The following TMEM260 variants were observed in gnomAD, a reference collection of about 807,000 sequenced individuals.
TMEM260 encodes the protein protein O-mannosyl-transferase TMEM260.
A neutral mutation model predicts 88.9 loss-of-function variants in TMEM260; 82 were observed. The ratio of observed to expected loss-of-function variants is 0.92; its 90% CI spans 0.77 to 1.11. TMEM260 has a LOEUF of 1.11. Among genes scored for constraint, TMEM260 ranks in the 50% least tolerant of loss-of-function variants. The probability of loss-of-function intolerance (pLI) is 0.00; values close to 1 mark genes in which losing one functional copy is unlikely to be tolerated. For missense variants in TMEM260, 902 were observed against 853.4 expected (o/e 1.06, Z -0.71); for synonymous variants, 314 against 309.3 (o/e 1.02, Z -0.16).
chr14:56,632,672 A>C (rs980100595), intron 12 of TMEM260, among the ~76,000 whole-genome samples: 10 of 151,040 alleles, frequency 6.6e-5, no homozygotes, highest in Admixed American at 5.9e-4. Context: ...CTGGTCTCAA[A>C]CCCCTGGCCT....
rs150124672 is a variant in TMEM260 at position 56,638,948 on chromosome 14, C to G, written c.1869+2350C>G. ...ACATAACGAAGAATGATGGGCTTCT[C>G]AAGATATGGTACATGTGACTTAATA... On this transcript the variant is annotated intron_variant, in intron 15 of 15. Transcript: ENST00000261556. Among the ~76,000 whole-genome samples, 1,429 of 152,122 alleles carry G rather than the reference C, an allele frequency of 9.4e-3. 11 individuals are homozygous for G. Among genetic ancestry groups the G allele is most frequent in the Non-Finnish European group, 0.013 (895 of 67,996 alleles).
intron 3 of TMEM260, among the ~76,000 whole-genome samples, chr14:56,598,576 A>G (rs1413328580): frequency 2.0e-5 from 3 of 152,238 alleles, no homozygotes; most frequent in Non-Finnish European, 4.4e-5. Context: ...GAAATGAAGC[A>G]TGCTCAGATA....
rs1239323808 is a variant in TMEM260, at chr14:56,605,682, A to AGGTACGTTT, written c.636_636+8dup. ...ATTCTCTTTCAACTTTTAAAAAAGA[A>AGGTACGTTT]GGTACGTTTTTGAATTTTGTAAAAA... On this transcript the variant is annotated inframe_insertion and splice_region_variant, in exon 5 of 16. Transcript: ENST00000261556. 1 of 1,536,256 alleles carries AGGTACGTTT rather than the reference A, an allele frequency of 6.5e-7. No individual in the cohort carries two copies. Among genetic ancestry groups the AGGTACGTTT allele is most frequent in the African/African-American group, 1.4e-5 (1 of 71,350 alleles).
At chr14:56,622,104 G>A (rs1887960312) in intron 11 of TMEM260, among the ~76,000 whole-genome samples, 1 of 152,118 alleles carries the variant, frequency 6.6e-6, no homozygotes, top group Non-Finnish European at 1.5e-5. Context: ...AGCACTTTGG[G>A]AGGCTGAGGC....
Position 56,647,452 on chromosome 14 carries a change from C to G in TMEM260, c.2079C>G (p.His693Gln), listed in dbSNP as rs772586414. ...CTGATATTTTAGGTGCTCTAAAGCA[C>G]CTAAGAAAAGAACTGCAAAGTCTGA... Reference protein sequence around the residue: ...QQADILGALKHLRKELQSLRN... With the variant: ...QQADILGALKQLRKELQSLRN... Residue 693 changes from histidine to glutamine, a missense_variant, in exon 16 of 16, where the codon CAC (histidine) becomes CAG (glutamine). Coordinates refer to ENST00000261556, the MANE Select transcript of TMEM260 (RefSeq NM_017799.4). 6.2e-7 allele frequency: 1 copy of G among 1,612,192 alleles called. No individual in the cohort carries two copies. Among genetic ancestry groups the G allele is most frequent in the Non-Finnish European group, 8.5e-7 (1 of 1,179,576 alleles).
At position 56,621,662 on chromosome 14, in the gene TMEM260, G is replaced by A. The variant is rs1395987610; in HGVS notation, c.1358G>A (p.Cys453Tyr). Residue 453 changes from cysteine (C) to tyrosine (Y), a missense_variant, in exon 11 of 16, where the codon TGT becomes TAT. Physicochemically the swap from Cys to Tyr is radical, Grantham distance 194 (BLOSUM62 -2). Transcript: ENST00000261556. ...PGNSLRYMHY[C>Y]EGLRPDISLV... ...AATTCTCTCCGTTACATGCATTACT[G>A]TGAGGGGTTGAGGCCTGACATTTCA... is the stretch of plus-strand genomic sequence containing the variant. 6 of 1,612,712 alleles carry A rather than the reference G, an allele frequency of 3.7e-6. No individual in the cohort carries two copies. Among genetic ancestry groups the A allele is most frequent in the Non-Finnish European group, 5.1e-6 (6 of 1,179,454 alleles).
chr14:56,606,532 GCTT>G (rs1423118318), intron 5 of TMEM260, among the ~76,000 whole-genome samples: 9 of 152,166 alleles, frequency 5.9e-5, no homozygotes, highest in Admixed American at 1.3e-4. Context: ...TTGCTTCTTA[GCTT>G]CTTAACAGTA....
intron 15 of TMEM260, 33 bp downstream of exon 15, chr14:56,636,631 T>C (rs564473044): frequency 2.0e-5 from 31 of 1,572,344 alleles, no homozygotes; most frequent in South Asian, 6.7e-5. Context: ...GATATAGATA[T>C]ATTTGGTGGG....
chr14:56,590,244 C>T (rs1207941636), intron 3 of TMEM260, among the ~76,000 whole-genome samples: 2 of 152,140 alleles, frequency 1.3e-5, no homozygotes, highest in Admixed American at 6.5e-5. Context: ...AATAGCAGCG[C>T]TTCATTTTGA....
chr14:56,579,837 GTC>G lies in TMEM260; in HGVS notation c.-73_-72del. The G allele has an allele frequency of 8.3e-7, 1 of 1,203,750 alleles. No individual in the cohort carries two copies. Among genetic ancestry groups the G allele is most frequent in the Non-Finnish European group, 1.0e-6 (1 of 963,074 alleles). The allele number at this position is 1,203,750 out of a possible 1,614,324, so 74.6% of individuals were successfully genotyped here. ...CGTGGCCGCCGCACAAGCTGCGCTCGTCTCTCGGCTGGGGAGCTCCGTGTCGC... is the reference window on the plus strand; with the variant it reads ...CGTGGCCGCCGCACAAGCTGCGCTCGTCTCGGCTGGGGAGCTCCGTGTCGC... On this transcript the variant is annotated 5_prime_UTR_variant, in exon 1 of 16. Coordinates refer to ENST00000261556, the MANE Select transcript of TMEM260 (RefSeq NM_017799.4).
At chr14:56,612,418 C>G (rs1216965202) in intron 7 of TMEM260, 133 bp downstream of exon 7, 1 of 758,540 alleles carries the variant, frequency 1.3e-6, no homozygotes, top group Non-Finnish European at 2.2e-6. Context: ...CTACAGTTAA[C>G]AGTTGTTTGT....
chr14:56,586,041 A>G, intron 3 of TMEM260, 129 bp downstream of exon 3: 1 of 973,622 alleles, frequency 1.0e-6, no homozygotes, highest in Non-Finnish European at 1.5e-6. Context: ...TCACTTTCTT[A>G]ATTTATAATA....
intron 3 of TMEM260, among the ~76,000 whole-genome samples, chr14:56,603,149 A>G (rs1566540568): frequency 1.3e-5 from 2 of 152,036 alleles, no homozygotes; most frequent in East Asian, 3.9e-4. Flanking sequence ...TGGGTGAGAA[A>G]TTTGTTTCTG....
At chr14:56,579,625 T>A, upstream of TMEM260, 1 of 339,376 alleles carries the variant, frequency 2.9e-6, no homozygotes, top group Non-Finnish European at 5.3e-6. Context: ...GGCTTGCTTT[T>A]TAAAGGGAAT....
At chr14:56,583,739 G>C (rs1198542945) in intron 1 of TMEM260, among the ~76,000 whole-genome samples, 1 of 152,080 alleles carries the variant, frequency 6.6e-6, no homozygotes, top group African/African-American at 2.4e-5. Context: ...GAAGGATTTA[G>C]GGGGAGAATG....
the TMEM260 span, among the ~76,000 whole-genome samples, chr14:56,659,456 C>T: frequency 1.1e-4 from 17 of 152,228 alleles, no homozygotes; most frequent in East Asian, 2.5e-3. Flanking sequence ...CCAGCCTAGT[C>T]GTTAGGGTAG....
rs889584748 is a variant in TMEM260, at chr14:56,625,431, G to T, written c.1448G>T (p.Gly483Val). The change falls in exon 12 of 16, where the codon GGT becomes GTT. Residue 483 changes from glycine (G) to valine (V), a missense_variant. Gly to Val is a moderately radical substitution (Grantham distance 109). Coordinates refer to ENST00000261556, the MANE Select transcript of TMEM260 (RefSeq NM_017799.4). ...CCCAAGATGGCAAAGCACTTGCCAG[G>T]TGTCAACTTTCCTGGGAACCGGTGG... ...YLPKMAKHLP[G>V]VNFPGNRWNP... is the part of the protein sequence containing the mutation. 13 of 1,613,808 alleles carry T rather than the reference G, an allele frequency of 8.1e-6. No individual in the cohort carries two copies. The African/African-American group carries it at 9.3e-5, about 12-fold the overall frequency.
chr14:56,660,497 A>T, the TMEM260 span, among the ~76,000 whole-genome samples: 5 of 152,246 alleles, frequency 3.3e-5, no homozygotes, highest in African/African-American at 4.8e-5. Flanking sequence ...TCAACGTCTC[A>T]AGAGCACATT....
chr14:56,618,798 C>A, intron 10 of TMEM260, 35 bp downstream of exon 10: 1 of 1,583,748 alleles, frequency 6.3e-7, no homozygotes, highest in South Asian at 1.1e-5. Flanking sequence ...AAGTAGCTGT[C>A]AAGCCAGAGA....
Sources: allele counts gnomAD v4.1 joint callset (sites outside exome capture counted in the v4.1 genomes callset), GRCh38; gene constraint gnomAD v4.1.1; transcripts MANE v1.5; gene names NCBI Gene and HGNC (gene_info 2026-07-23, HGNC 2026-07-21).